The following MXRA5 variants were observed in gnomAD, a reference collection of about 807,000 sequenced individuals.
MXRA5 encodes matrix-remodeling-associated protein 5.
In MXRA5, 41 loss-of-function variants were observed where a neutral mutation model predicts 112.5. The observed-to-expected ratio is 0.36, with a 90% CI of 0.28 to 0.47. MXRA5 has a LOEUF of 0.47. Among genes scored for constraint, MXRA5 ranks in the 20% least tolerant of loss-of-function variants. The pLI, the probability that MXRA5 is intolerant of heterozygous loss-of-function variation, is 0.99. For synonymous variants in MXRA5, 862 were observed against 900.8 expected, an observed-to-expected ratio of 0.96 and a Z score of 0.77; for missense variants, 2,150 against 2,251.0, an observed-to-expected ratio of 0.96 and a Z score of 0.91.
At position 3,317,672 on chromosome X, in the gene MXRA5, G is replaced by A. The variant is rs1335343798; in HGVS notation, c.6009C>T (p.Thr2003=). The A allele has an allele frequency of 7.5e-6, 9 of 1,201,349 alleles. No individual in the cohort carries two copies. The highest frequency in any genetic ancestry group is 7.9e-6 in the Non-Finnish European group (7 of 889,319). ...QTVSPVEGRI[T]LHENRTLSIK... is the part of the protein sequence containing the mutation. ...TGGAAAGGGTCCGGTTTTCGTGCAG[G>A]GTGATGCGGCCCTCCACGGGGGACA... The change falls in exon 6 of 7, where the codon ACC becomes ACT. Residue 2003 remains threonine, a synonymous_variant. Transcript: ENST00000217939.
At chrX:3,327,091 G>A (rs182028701) in intron 4 of MXRA5, among the ~76,000 whole-genome samples, 1 of 111,226 alleles carries the variant, frequency 9.0e-6, no homozygotes, top group African/African-American at 3.3e-5. Context: ...AAGACTAGGA[G>A]TTTTTCATGG....
intron 4 of MXRA5, among the ~76,000 whole-genome samples, chrX:3,328,912 G>A (rs1921576511): frequency 1.0e-5 from 1 of 98,773 alleles, no homozygotes; most frequent in Admixed American, 1.1e-4. Context: ...AGGAAGGGAG[G>A]GAGGGAAGGA....
chrX:3,311,756 C>A (rs1169931668), intron 6 of MXRA5, 132 bp from the exon 7 acceptor site: 1 of 532,111 alleles, frequency 1.9e-6, no homozygotes, highest in Non-Finnish European at 3.0e-6. Flanking sequence ...TTGCAGAATG[C>A]CCAGTGGTTT....
At chrX:3,332,318 C>G (rs1921683081) in intron 2 of MXRA5, among the ~76,000 whole-genome samples, 2 of 110,849 alleles carry the variant, frequency 1.8e-5, no homozygotes, top group Admixed American at 1.9e-4. Flanking sequence ...CATCTCGGCT[C>G]ACTGTAAGCT....
chrX:3,345,059 G>A lies in MXRA5; in HGVS notation c.-28-1198C>T, dbSNP rs921752365. On this transcript the variant is annotated intron_variant, in intron 1 of 6. Transcript: ENST00000217939. The stretch of plus-strand genomic sequence containing the variant: ...GAGGCAGGAGATTCGCTTGAATCCG[G>A]GAGGCAGAGGTTCCGGTGAACCGAG... Among the ~76,000 whole-genome samples, 5 of 111,815 alleles carry A rather than the reference G, an allele frequency of 4.5e-5. No homozygotes were observed. In the Admixed American group the frequency reaches 4.7e-4, roughly 11 times the overall value.
chrX:3,317,061 A>ACCAGC, intron 6 of MXRA5, 42 bp downstream of exon 6: 1 of 1,095,022 alleles, frequency 9.1e-7, no homozygotes, highest in Non-Finnish European at 1.2e-6. Context: ...CGTTGGGGCC[A>ACCAGC]CCAGCCCAGC....
At position 3,322,857 on chromosome X, in the gene MXRA5, C is replaced by A. The variant is rs148240794; in HGVS notation, c.2828G>T (p.Gly943Val). Residue 943 changes from glycine (G) to valine (V), a missense_variant, in exon 5 of 7, where the codon GGT becomes GTT. Physicochemically the swap from Gly to Val is moderately radical, Grantham distance 109. This residue lies in a region of MXRA5 where 1,485 missense variants were observed against 1,471.6 expected (regional missense o/e 1.01). Transcript: ENST00000217939. ...KPTHEETATE[G>V]WSAADVGSSP... ...CGATCCAACATCTGCTGCAGACCAA[C>A]CCTCTGTTGCCGTCTCTTCATGGGT... 1.5e-5 allele frequency: 18 copies of A among 1,211,319 alleles called. No homozygotes were observed. The Middle Eastern group carries it at 3.2e-3, about 218-fold the overall frequency.
intron 6 of MXRA5, among the ~76,000 whole-genome samples, chrX:3,315,379 TAGATAGATAGATGATA>T (rs1569181310): frequency 0.042 from 1,726 of 41,369 alleles, 315 homozygotes; most frequent in African/African-American, 0.15. Context: ...ATAGAATAGA[TAGATAGATAGATGATA>T]GATAGATAGA....
Position 3,320,456 on chromosome X carries a change from C to T in MXRA5, c.5229G>A (p.Leu1743=), listed in dbSNP as rs1185783226. The change falls in exon 5 of 7, where the codon TTG becomes TTA. Residue 1743 remains leucine, a synonymous_variant. Transcript: ENST00000217939. The part of the protein sequence containing the change: ...FTNKTLSFPQ[L]GVTRRPQIPT... ...GTATCTGGGGTCTCCGGGTGACTCCCAACTGTGGAAAAGAAAGAGTCTTGT... is the reference window on the plus strand; with the variant it reads ...GTATCTGGGGTCTCCGGGTGACTCCTAACTGTGGAAAAGAAAGAGTCTTGT... 8.3e-7 allele frequency: 1 copy of T among 1,209,417 alleles called. No individual in the cohort carries two copies. The highest frequency in any genetic ancestry group is 1.8e-5 in the African/African-American group (1 of 57,065).
At chrX:3,317,056 G>A (rs1348421623) in intron 6 of MXRA5, 47 bp downstream of exon 6, 1 of 1,085,056 alleles carries the variant, frequency 9.2e-7, no homozygotes, top group Non-Finnish European at 1.2e-6. Context: ...ATATTCGTTG[G>A]GGCCACCAGC....
Position 3,323,502 on chromosome X carries a change from T to G in MXRA5, c.2183A>C (p.Asp728Ala). ...KDQEVFLKTKDDAINGDKKAK... is the reference protein window; with the variant it reads ...KDQEVFLKTKADAINGDKKAK... ...TTTCTTGTCTCCATTGATGGCATCA[T>G]CCTTTGTTTTGAGGAACACCTCTTG... Residue 728 changes from aspartate to alanine, a missense_variant, in exon 5 of 7, where the codon GAT becomes GCT. This residue lies in a region of MXRA5 where 1,485 missense variants were observed against 1,471.6 expected (regional missense o/e 1.01). Transcript: ENST00000217939. The G allele has an allele frequency of 8.3e-7, 1 of 1,211,736 alleles. No homozygotes were observed.
Position 3,323,623 on chromosome X carries a change from G to C in MXRA5, c.2062C>G (p.Leu688Val), listed in dbSNP as rs770902643. The change falls in exon 5 of 7, where the codon CTT becomes GTT. Residue 688 changes from leucine (L) to valine (V), a missense_variant. Leu to Val is a conservative substitution (Grantham distance 32). Coordinates refer to ENST00000217939, the MANE Select transcript of MXRA5 (RefSeq NM_015419.4). Reference sequence around the variant, plus strand: ...ACGATGTCTTCTCTGACTCTGGAAAGAGCCTTTGCACCTGGGCGTCTGCCT... The same window carrying C: ...ACGATGTCTTCTCTGACTCTGGAAACAGCCTTTGCACCTGGGCGTCTGCCT... ...KRGRRPGAKA[L>V]SRVREDIVED... The C allele has an allele frequency of 5.8e-6, 7 of 1,209,157 alleles. No homozygotes were observed.
rs1372851094 is a variant in MXRA5, at chrX:3,320,090, G to A, written c.5595C>T (p.Val1865=). The change falls in exon 5 of 7, where the codon GTC becomes GTT. Residue 1865 remains valine (V), a synonymous_variant. Transcript: ENST00000217939. ...ILTKSPQTVS[V]TAETDTVFPC... ...GGAACACAGTGTCTGTCTCAGCGGTGACGGACACAGTCTGTGGGGACTTGG... is the reference window on the plus strand; with the variant it reads ...GGAACACAGTGTCTGTCTCAGCGGTAACGGACACAGTCTGTGGGGACTTGG... The A allele has an allele frequency of 8.3e-7, 1 of 1,209,675 alleles. No homozygotes were observed. The highest frequency in any genetic ancestry group is 1.8e-5 in the African/African-American group (1 of 57,071).
chrX:3,312,772 G>T (rs1921007209), intron 6 of MXRA5, among the ~76,000 whole-genome samples: 1 of 110,549 alleles, frequency 9.0e-6, no homozygotes, highest in Admixed American at 9.6e-5. Context: ...ATCTTGCTAT[G>T]TTGTCCAGAC....
chrX:3,332,475 ACCT>A (rs1303184610), intron 2 of MXRA5, among the ~76,000 whole-genome samples: 2 of 108,292 alleles, frequency 1.8e-5, no homozygotes, highest in East Asian at 5.8e-4. Flanking sequence ...CGATCTCCTG[ACCT>A]CCTGATCCGC....
chrX:3,325,198 T>A lies in MXRA5; in HGVS notation c.710-223A>T, dbSNP rs375461857. ...TGCTTTATAACTGCTTAACCATTAATAATAATTTTTACTTAAAAATGTCTT... is the reference window on the plus strand; with the variant it reads ...TGCTTTATAACTGCTTAACCATTAAAAATAATTTTTACTTAAAAATGTCTT... On this transcript the variant is annotated intron_variant, in intron 4 of 6. Coordinates refer to ENST00000217939, the MANE Select transcript of MXRA5 (RefSeq NM_015419.4). Among the ~76,000 whole-genome samples, 14 of 111,551 alleles carry A rather than the reference T, an allele frequency of 1.3e-4. No homozygotes were observed. In the East Asian group the frequency reaches 3.6e-3, roughly 29 times the overall value.
chrX:3,314,497 C>T (rs1921041317), intron 6 of MXRA5, among the ~76,000 whole-genome samples: 1 of 110,481 alleles, frequency 9.1e-6, no homozygotes, highest in African/African-American at 3.3e-5. Context: ...CAGATAGATA[C>T]GGATGGATAA....
At chrX:3,327,671 C>G (rs1297371624) in intron 4 of MXRA5, among the ~76,000 whole-genome samples, 2 of 112,730 alleles carry the variant, frequency 1.8e-5, no homozygotes, top group Admixed American at 1.9e-4. Context: ...CTGAGCACAA[C>G]TGATGTGAAT....
In MXRA5 at chrX:3,320,800, C is replaced by T. The variant is rs746141262; in HGVS notation, c.4885G>A (p.Ala1629Thr). The T allele has an allele frequency of 1.7e-5, 21 of 1,210,333 alleles. No homozygotes were observed. In the East Asian group the frequency reaches 3.0e-4, roughly 17 times the overall value. The change falls in exon 5 of 7, where the codon GCT becomes ACT. Residue 1629 changes from alanine to threonine, a missense_variant. By Grantham distance (58) the Ala-to-Thr change is moderately conservative (BLOSUM62 0). Around this residue, in one of 6 missense-constraint regions of MXRA5, gnomAD observed 1,485 missense variants for 1,471.6 expected, o/e 1.01. Coordinates refer to ENST00000217939, the MANE Select transcript of MXRA5 (RefSeq NM_015419.4). ...TGGGAAGTTACAAAGTATCTGGAAG[C>T]GCTTTGTGTGGACATTTCAGGCAGC... is the stretch of plus-strand genomic sequence containing the variant. ...VRLPEMSTQS[A>T]SRYFVTSQSP... is the part of the protein sequence containing the mutation.
Sources: gnomAD v4.1 joint callset for allele counts (sites outside exome capture counted in the v4.1 genomes callset) on GRCh38, gnomAD v4.1.1 for gene constraint, gnomAD v4.1.1 regional missense constraint, MANE v1.5 for transcripts, NCBI Gene and HGNC (gene_info 2026-07-23, HGNC 2026-07-21) for gene names.